Variants in FGF18 observed in about 807,000 individuals in gnomAD.
FGF18 encodes fibroblast growth factor 18.
A neutral mutation model predicts 23.0 loss-of-function variants in FGF18; 5 were observed. The ratio of observed to expected loss-of-function variants is 0.22; its 90% confidence interval spans 0.11 to 0.46. The LOEUF (loss-of-function observed/expected upper bound fraction) is 0.46, where lower values mean the gene tolerates loss of function less well. Ranked by LOEUF, FGF18 falls within the 20% of genes least tolerant of loss-of-function variation. FGF18 has a pLI of 0.99. For synonymous variants in FGF18, 117 were observed against 118.9 expected (o/e 0.98, Z 0.10); for missense variants, 180 against 291.6 (o/e 0.62, Z 2.79).
In FGF18 at chr5:171,456,286, TGGCTTTAGCCAGA is replaced by T. The variant is rs1174301882; in HGVS notation, c.358-252_358-240del. On this transcript the variant is annotated intron_variant, in intron 4 of 4. Transcript: ENST00000274625. The surrounding 1 kb of genome is among the most constrained non-coding windows in gnomAD (Gnocchi z 6.1). ...TGTCCTCAGCAAAGTCTCTGTTAGG[TGGCTTTAGCCAGA>T]ATCCCCTACACCCTCGATGTTTCCT... 1.3e-5 allele frequency among the ~76,000 whole-genome samples: 2 copies of T among 152,166 alleles called. No homozygotes were observed. The highest frequency in any genetic ancestry group is 2.9e-5 in the Non-Finnish European group (2 of 68,040).
chr5:171,429,767 G>A (rs983385272), intron 2 of FGF18, among the ~76,000 whole-genome samples: 5 of 152,182 alleles, frequency 3.3e-5, no homozygotes, highest in South Asian at 2.1e-4. Flanking sequence ...GGGAGAGGCC[G>A]TGGGGCTGCA....
At chr5:171,437,340 C>T (rs1210973715) in intron 3 of FGF18, among the ~76,000 whole-genome samples, 1 of 152,228 alleles carries the variant, frequency 6.6e-6, no homozygotes, top group East Asian at 1.9e-4. Flanking sequence ...GGACTGACCT[C>T]ATGGTAGGGC....
In FGF18 at chr5:171,434,153, G is replaced by A. The variant is rs1007616780; in HGVS notation, c.70-1940G>A. ...GCAAGGCAGTGGCCTGGGGCTGCCC[G>A]CAGGGGTGGGGCACAGGAAACACAG... On this transcript the variant is annotated intron_variant, in intron 2 of 4. Transcript: ENST00000274625. This position sits in a 1 kb window ranked among gnomAD's most constrained non-coding sequence, Gnocchi z 4.6. 1.3e-5 allele frequency among the ~76,000 whole-genome samples: 2 copies of A among 152,216 alleles called. No individual in the cohort carries two copies. Among genetic ancestry groups the A allele is most frequent in the Admixed American group, 6.5e-5 (1 of 15,290 alleles).
intron 3 of FGF18, among the ~76,000 whole-genome samples, chr5:171,438,958 C>T (rs192142515): frequency 2.0e-5 from 3 of 152,228 alleles, no homozygotes; most frequent in Non-Finnish European, 2.9e-5. Flanking sequence ...GAGAATGATG[C>T]AATCTGAGAT....
At chr5:171,424,270 G>A (rs922943868) in intron 2 of FGF18, among the ~76,000 whole-genome samples, 2 of 152,218 alleles carry the variant, frequency 1.3e-5, no homozygotes, top group African/African-American at 4.8e-5. Flanking sequence ...CTGTGAAGTG[G>A]AGTGAGGCAG....
chr5:171,432,724 T>G (rs1397243823), intron 2 of FGF18, among the ~76,000 whole-genome samples: 2 of 151,776 alleles, frequency 1.3e-5, no homozygotes, highest in Admixed American at 1.3e-4. Context: ...CCTAGGGGTC[T>G]TCTTAGCAGA....
intron 2 of FGF18, among the ~76,000 whole-genome samples, chr5:171,427,284 C>T (rs1428233828): frequency 6.6e-6 from 1 of 152,010 alleles, no homozygotes; most frequent in African/African-American, 2.4e-5. Context: ...CACAGAGTAG[C>T]TAGCACAATG....
chr5:171,454,513 G>A (rs1772555932), intron 4 of FGF18, among the ~76,000 whole-genome samples: 1 of 152,154 alleles, frequency 6.6e-6, no homozygotes, highest in Non-Finnish European at 1.5e-5. Flanking sequence ...TCCCACGTGT[G>A]TGTCCCAGGT....
chr5:171,437,503 T>C (rs1255965986), intron 3 of FGF18, among the ~76,000 whole-genome samples: 1 of 152,080 alleles, frequency 6.6e-6, no homozygotes, highest in Middle Eastern at 3.2e-3. Context: ...TCCCACTCTC[T>C]TTCCCCTTCT....
chr5:171,441,882 A>G (rs1772351151), intron 3 of FGF18, among the ~76,000 whole-genome samples: 1 of 152,170 alleles, frequency 6.6e-6, no homozygotes, highest in African/African-American at 2.4e-5. Flanking sequence ...CTCAGTGCAC[A>G]GTAGGTACTT....
chr5:171,448,268 T>C (rs998754512), intron 3 of FGF18, among the ~76,000 whole-genome samples: 7 of 152,110 alleles, frequency 4.6e-5, no homozygotes, highest in African/African-American at 9.7e-5. Flanking sequence ...CCGGTCCTGA[T>C]TGGGATTTCT....
At chr5:171,452,054 G>A (rs1217295103) in intron 4 of FGF18, among the ~76,000 whole-genome samples, 1 of 152,192 alleles carries the variant, frequency 6.6e-6, no homozygotes, top group Non-Finnish European at 1.5e-5. Context: ...AAGGGCTCCG[G>A]GGGCACCAAA....
chr5:171,423,475 G>T (rs1772048917), intron 2 of FGF18, among the ~76,000 whole-genome samples: 1 of 152,154 alleles, frequency 6.6e-6, no homozygotes, highest in African/African-American at 2.4e-5. Flanking sequence ...GCCTTCCCCA[G>T]ACAGACCAGG....
intron 2 of FGF18, 24 bp downstream of exon 2, chr5:171,420,467 C>T (rs767246479): frequency 1.2e-6 from 2 of 1,610,812 alleles, no homozygotes; most frequent in African/African-American, 1.3e-5. Context: ...TGACTTTGAC[C>T]TCCTCCCGCC....
intron 3 of FGF18, among the ~76,000 whole-genome samples, chr5:171,444,777 A>G (rs943801030): frequency 3.9e-5 from 6 of 152,184 alleles, no homozygotes; most frequent in Non-Finnish European, 7.3e-5. Context: ...TTTCATTTTC[A>G]TTAGCCAGTG....
At chr5:171,443,573 G>C (rs1178070555) in intron 3 of FGF18, among the ~76,000 whole-genome samples, 2 of 119,278 alleles carry the variant, frequency 1.7e-5, no homozygotes, top group Non-Finnish European at 1.6e-5. Context: ...GGATGGTCTC[G>C]ATTCCTGATC....
intron 2 of FGF18, among the ~76,000 whole-genome samples, chr5:171,421,517 C>A (rs1220512787): frequency 1.3e-5 from 2 of 152,214 alleles, no homozygotes; most frequent in Non-Finnish European, 2.9e-5. Flanking sequence ...CCTTAGCCTT[C>A]TGGATTGTGG....
intron 4 of FGF18, 107 bp downstream of exon 4, chr5:171,449,360 CGTGTGTGTGT>C (rs56932885): frequency 1.6e-4 from 30 of 187,262 alleles, no homozygotes; most frequent in African/African-American, 7.5e-4. Flanking sequence ...GAAAACAGGC[CGTGTGTGTGT>C]GTGTGTGTGT....
In FGF18 at chr5:171,457,017, C is replaced by T. The variant is rs1454152533; in HGVS notation, c.*212C>T. 10 of 611,534 alleles carry T rather than the reference C, an allele frequency of 1.6e-5. No homozygotes were observed. The highest frequency in any genetic ancestry group is 1.0e-4 in the South Asian group (5 of 47,970). The allele number at this position is 611,534 out of a possible 1,614,324, so 37.9% of individuals were successfully genotyped here. A position where few individuals can be genotyped will look rare whatever the true frequency, so the allele number is the denominator to read the frequency against. Reference sequence around the variant, plus strand: ...GAAACCCCCGATGACAAAAGACTCACGCAAAGGGACTGTAGTCAACCCACA... The same window carrying T: ...GAAACCCCCGATGACAAAAGACTCATGCAAAGGGACTGTAGTCAACCCACA... On this transcript the variant is annotated 3_prime_UTR_variant, in exon 5 of 5. Transcript: ENST00000274625.
Sources: allele counts gnomAD v4.1 joint callset (sites outside exome capture counted in the v4.1 genomes callset), GRCh38; gene constraint gnomAD v4.1.1; non-coding constraint Gnocchi (gnomAD v3.1); transcripts MANE v1.5; gene names NCBI Gene and HGNC (gene_info 2026-07-23, HGNC 2026-07-21).